NBAS: variants seen among roughly 807,000 people sequenced by gnomAD.
The protein encoded by NBAS is NBAS subunit of NRZ tethering complex, also known as NAG/BC035112 fusion.
NBAS carries 219 observed loss-of-function variants against 302.5 expected under a neutral mutation model. The ratio of observed to expected loss-of-function variants is 0.72; its 90% confidence interval spans 0.65 to 0.81. The LOEUF is 0.81. Ranked by LOEUF, NBAS falls within the 30% of genes least tolerant of loss-of-function variation. The pLI is 0.00. For synonymous variants in NBAS, 1,118 were observed against 1,021.6 expected, an observed-to-expected ratio of 1.09 and a Z score of -1.80; for missense variants, 2,932 against 2,841.6, an observed-to-expected ratio of 1.03 and a Z score of -0.72.
chr2:15,037,423 C>T, the NBAS span, among the ~76,000 whole-genome samples: 2 of 10,894 alleles, frequency 1.8e-4, no homozygotes, highest in Non-Finnish European at 2.5e-3. Flanking sequence ...TGGCCCCACC[C>T]GCAAGGCGGG....
the NBAS span, among the ~76,000 whole-genome samples, chr2:15,143,410 G>T: frequency 6.6e-6 from 1 of 152,198 alleles, no homozygotes; most frequent in African/African-American, 2.4e-5. Flanking sequence ...TGACGGAGCA[G>T]TTTTGATCCT....
the NBAS span, among the ~76,000 whole-genome samples, chr2:14,973,492 A>G: frequency 6.6e-6 from 1 of 152,218 alleles, no homozygotes; most frequent in Non-Finnish European, 1.5e-5. Context: ...CTTTTGATAG[A>G]TATAAGTAAA....
chr2:15,516,349 C>T (rs981592095), intron 9 of NBAS, among the ~76,000 whole-genome samples: 29 of 152,110 alleles, frequency 1.9e-4, no homozygotes, highest in Admixed American at 1.8e-3. Context: ...ATGAGCTGGG[C>T]TTTGTGCATC....
chr2:15,482,584 C>G (rs1454026742), intron 12 of NBAS, among the ~76,000 whole-genome samples: 2 of 152,030 alleles, frequency 1.3e-5, no homozygotes, highest in Admixed American at 1.3e-4. Context: ...TTCTGGCACC[C>G]AAAGTGGGGC....
the NBAS span, among the ~76,000 whole-genome samples, chr2:14,839,139 A>G: frequency 1.3e-5 from 2 of 151,998 alleles, no homozygotes; most frequent in African/African-American, 4.8e-5. Context: ...ATACTCAGCA[A>G]TAACCCAGAA....
chr2:15,173,803 T>G (rs2125106705), intron 51 of NBAS, among the ~76,000 whole-genome samples: 1 of 152,330 alleles, frequency 6.6e-6, no homozygotes, highest in South Asian at 2.1e-4. Context: ...ATCTGGCTAG[T>G]TCCACACGCT....
At chr2:15,230,777 G>A (rs1247780316) in intron 47 of NBAS, among the ~76,000 whole-genome samples, 1 of 152,172 alleles carries the variant, frequency 6.6e-6, no homozygotes, top group African/African-American at 2.4e-5. Flanking sequence ...TGATGGCTGA[G>A]AACTCACTGA....
chr2:14,856,486 A>G, the NBAS span, among the ~76,000 whole-genome samples: 1 of 152,208 alleles, frequency 6.6e-6, no homozygotes, highest in African/African-American at 2.4e-5. Context: ...GGAGAAAGAG[A>G]GACATGCAAC....
intron 48 of NBAS, among the ~76,000 whole-genome samples, chr2:15,200,496 AC>A (rs1429184739): frequency 2.0e-5 from 3 of 151,942 alleles, no homozygotes; most frequent in African/African-American, 7.2e-5. Context: ...TAACATCCCC[AC>A]CCCTTCCACA....
chr2:15,176,458 GACACACAC>G (rs71400639), intron 51 of NBAS, among the ~76,000 whole-genome samples: 3 of 149,224 alleles, frequency 2.0e-5, no homozygotes, highest in African/African-American at 4.9e-5. Context: ...GTCACATGGA[GACACACAC>G]ACACACACAC....
chr2:15,390,955 A>C (rs1262965427), intron 28 of NBAS, among the ~76,000 whole-genome samples: 1 of 152,026 alleles, frequency 6.6e-6, no homozygotes, highest in Non-Finnish European at 1.5e-5. Flanking sequence ...TCTACTAAGA[A>C]TACAAAAATT....
chr2:15,137,427 G>A, the NBAS span, among the ~76,000 whole-genome samples: 6 of 152,102 alleles, frequency 3.9e-5, no homozygotes, highest in African/African-American at 1.2e-4. Flanking sequence ...GTCAAGCAAC[G>A]GTTGCACCTC....
the NBAS span, among the ~76,000 whole-genome samples, chr2:15,046,315 C>T: frequency 6.6e-6 from 1 of 152,270 alleles, no homozygotes; most frequent in Middle Eastern, 3.4e-3. Flanking sequence ...TCTATTCTAA[C>T]TGGAATGTCA....
At chr2:15,265,181 C>G (rs991526224) in intron 44 of NBAS, among the ~76,000 whole-genome samples, 5 of 152,162 alleles carry the variant, frequency 3.3e-5, no homozygotes, top group Non-Finnish European at 4.4e-5. Context: ...GCCTACATGG[C>G]TATATCAGGC....
chr2:15,440,744 T>G (rs367758421), intron 21 of NBAS, among the ~76,000 whole-genome samples: 2,003 of 152,040 alleles, frequency 0.013, 29 homozygotes, highest in East Asian at 0.058. Flanking sequence ...AGGCAAAGAA[T>G]TTGAAAACTT....
Position 15,246,528 on chromosome 2 carries a change from G to A in NBAS, c.5725-7842C>T, listed in dbSNP as rs149504748. 1.6e-4 allele frequency among the ~76,000 whole-genome samples: 25 copies of A among 152,330 alleles called. No individual in the cohort carries two copies. The East Asian group carries it at 4.6e-3, about 28-fold the overall frequency. On this transcript the variant is annotated intron_variant, in intron 44 of 51. Transcript: ENST00000281513. ...CAATAAAATTACATGTTCTCAACAT[G>A]TCCCTGGAAAGTTGTGGTTCAGAAT...
chr2:14,830,555 A>C, the NBAS span, among the ~76,000 whole-genome samples: 7 of 152,170 alleles, frequency 4.6e-5, no homozygotes, highest in African/African-American at 1.7e-4. Flanking sequence ...CATCTTAAAA[A>C]ATTGTAGGAT....
intron 9 of NBAS, among the ~76,000 whole-genome samples, chr2:15,528,903 G>GTATA (rs1406917459): frequency 7.1e-6 from 1 of 141,840 alleles, no homozygotes; most frequent in Non-Finnish European, 1.5e-5. Context: ...ATATATGTGT[G>GTATA]TATATATATA....
intron 44 of NBAS, among the ~76,000 whole-genome samples, chr2:15,265,365 GATA>G (rs1435392427): frequency 6.6e-6 from 1 of 152,166 alleles, no homozygotes; most frequent in East Asian, 1.9e-4. Context: ...GACCAGAGAT[GATA>G]ATACTTGCTT....
Sources: allele counts gnomAD v4.1 joint callset (sites outside exome capture counted in the v4.1 genomes callset), GRCh38; gene constraint gnomAD v4.1.1; transcripts MANE v1.5; gene names NCBI Gene and HGNC (gene_info 2026-07-23, HGNC 2026-07-21).